MPDZ: variants seen among roughly 807,000 people sequenced by gnomAD.
MPDZ encodes multiple PDZ domain protein.
In MPDZ, 234 loss-of-function variants were observed where a neutral mutation model predicts 239.1. The ratio of observed to expected loss-of-function variants is 0.98; its 90% CI spans 0.88 to 1.09. The LOEUF (loss-of-function observed/expected upper bound fraction) is 1.09. MPDZ is among the 50% of genes least tolerant of loss of function. MPDZ has a pLI of 0.00. For missense variants in MPDZ, 3,175 were observed against 2,510.0 expected (o/e 1.26, Z -5.66); for synonymous variants, 1,048 against 881.3 (o/e 1.19, Z -3.35).
At chr9:13,125,107 A>T (rs533323073) in intron 35 of MPDZ, 109 bp downstream of exon 35, 2 of 1,051,330 alleles carry the variant, frequency 1.9e-6, no homozygotes, top group East Asian at 4.9e-5. Context: ...CCTGACTACA[A>T]CCTTCCAAAC....
chr9:13,121,565 T>C (rs967777091), intron 38 of MPDZ, among the ~76,000 whole-genome samples, 174 bp downstream of exon 38: 1 of 152,200 alleles, frequency 6.6e-6, no homozygotes, highest in Admixed American at 6.5e-5. Flanking sequence ...AATATTCTGA[T>C]TTTAAAAGTC....
chr9:13,127,992 CTGAT>C (rs1413117811), intron 32 of MPDZ, among the ~76,000 whole-genome samples: 2 of 152,076 alleles, frequency 1.3e-5, no homozygotes, highest in African/African-American at 4.8e-5. Flanking sequence ...TGGGTATTTG[CTGAT>C]TGTTTACCTA....
At chr9:13,223,804 G>A in intron 4 of MPDZ, 94 bp from the exon 5 acceptor site, 1 of 1,347,576 alleles carries the variant, frequency 7.4e-7, no homozygotes, top group African/African-American at 1.5e-5. Context: ...GGCCAAGGTG[G>A]GAGGATCACT....
intron 1 of MPDZ, among the ~76,000 whole-genome samples, chr9:13,261,959 T>A (rs568887573): frequency 6.6e-6 from 1 of 151,584 alleles, no homozygotes; most frequent in Non-Finnish European, 1.5e-5. Flanking sequence ...GTGAGAAGAT[T>A]ATCTGAGCCC....
intron 3 of MPDZ, among the ~76,000 whole-genome samples, chr9:13,247,199 G>T (rs141238834): frequency 6.6e-6 from 1 of 152,134 alleles, no homozygotes; most frequent in East Asian, 1.9e-4. Context: ...CAAAATAGAG[G>T]TGATTTCCCT....
At chr9:13,159,858 G>A (rs1247742363) in intron 23 of MPDZ, among the ~76,000 whole-genome samples, 1 of 152,106 alleles carries the variant, frequency 6.6e-6, no homozygotes, top group Admixed American at 6.6e-5. Context: ...ATCTTAGTGT[G>A]TGGTTTCAGG....
At chr9:13,264,602 T>C (rs1160213214) in intron 1 of MPDZ, among the ~76,000 whole-genome samples, 1 of 151,730 alleles carries the variant, frequency 6.6e-6, no homozygotes, top group Non-Finnish European at 1.5e-5. Context: ...ACCAATCGTT[T>C]ATAGCCCATT....
intron 1 of MPDZ, among the ~76,000 whole-genome samples, chr9:13,273,353 G>T (rs557506123): frequency 2.0e-5 from 3 of 152,204 alleles, no homozygotes; most frequent in African/African-American, 7.2e-5. Flanking sequence ...TCATGGTTTT[G>T]TTACGTTAGT....
intron 15 of MPDZ, among the ~76,000 whole-genome samples, chr9:13,190,557 T>G (rs751215308): frequency 3.3e-5 from 5 of 152,154 alleles, no homozygotes; most frequent in Admixed American, 6.6e-5. Flanking sequence ...AATGGTTATA[T>G]CTCGACAGCA....
chr9:13,263,133 T>C (rs866945774), intron 1 of MPDZ, among the ~76,000 whole-genome samples: 1 of 152,066 alleles, frequency 6.6e-6, no homozygotes, highest in African/African-American at 2.4e-5. Context: ...CACAATTTGC[T>C]TCAAAAACTT....
chr9:13,181,015 C>G (rs1214410515), intron 19 of MPDZ, among the ~76,000 whole-genome samples: 1 of 152,134 alleles, frequency 6.6e-6, no homozygotes, highest in Non-Finnish European at 1.5e-5. Context: ...GTGATTAGCA[C>G]TGATCACTTC....
intron 22 of MPDZ, among the ~76,000 whole-genome samples, chr9:13,164,916 C>T (rs906737873): frequency 2.6e-5 from 4 of 151,984 alleles, no homozygotes; most frequent in Admixed American, 2.0e-4. Context: ...TTATGAGCTG[C>T]GAGAACACAC....
Position 13,115,278 on chromosome 9 carries a change from A to C in MPDZ, c.5436T>G (p.His1812Gln). The C allele has an allele frequency of 6.2e-7, 1 of 1,612,688 alleles. No individual in the cohort carries two copies. The highest frequency in any genetic ancestry group is 1.1e-5 in the South Asian group (1 of 91,050). Residue 1812 changes from histidine to glutamine, a missense_variant, in exon 40 of 47, where the codon CAT (histidine) becomes CAG (glutamine). His to Gln is a conservative substitution (Grantham distance 24, BLOSUM62 0). Transcript: ENST00000319217. Reference sequence around the variant, plus strand: ...TGCTTTGAGATGGCCTCCTCTCTGAATGGAATGGACCAGCTTTGATTCTTC... The same window carrying C: ...TGCTTTGAGATGGCCTCCTCTCTGACTGGAATGGACCAGCTTTGATTCTTC... ...EVGRIKAGPF[H>Q]SERRPSQSSQ...
At chr9:13,172,238 A>G (rs748250890) in intron 21 of MPDZ, among the ~76,000 whole-genome samples, 4 of 152,170 alleles carry the variant, frequency 2.6e-5, no homozygotes, top group Non-Finnish European at 5.9e-5. Flanking sequence ...CCAGGGAGAA[A>G]GCCCTATAAA....
intron 1 of MPDZ, among the ~76,000 whole-genome samples, chr9:13,261,217 A>G (rs1280196665): frequency 6.6e-6 from 1 of 152,224 alleles, no homozygotes; most frequent in Admixed American, 6.5e-5. Flanking sequence ...AAGTCAGTTG[A>G]TAGAGACAGA....
intron 8 of MPDZ, among the ~76,000 whole-genome samples, chr9:13,217,982 AAT>A (rs1398530201): frequency 6.6e-6 from 1 of 151,824 alleles, no homozygotes; most frequent in Non-Finnish European, 1.5e-5. Flanking sequence ...TGATTGGTAC[AAT>A]ATATCATCAA....
intron 19 of MPDZ, among the ~76,000 whole-genome samples, chr9:13,182,023 G>A (rs550888220): frequency 1.3e-5 from 2 of 152,152 alleles, no homozygotes; most frequent in East Asian, 3.9e-4. Context: ...AGACTGCCCA[G>A]CATCATTTGC....
At chr9:13,169,870 T>C (rs973622857) in intron 21 of MPDZ, among the ~76,000 whole-genome samples, 5 of 152,158 alleles carry the variant, frequency 3.3e-5, no homozygotes, top group Non-Finnish European at 7.4e-5. Flanking sequence ...TTGAAGTCTT[T>C]GCCTGACACC....
At chr9:13,144,756 G>T (rs1290272580) in intron 26 of MPDZ, among the ~76,000 whole-genome samples, 1 of 151,978 alleles carries the variant, frequency 6.6e-6, no homozygotes, top group African/African-American at 2.4e-5. Flanking sequence ...AAAAGAAATG[G>T]GCACAATGAC....
Sources: gnomAD v4.1 joint callset for allele counts (sites outside exome capture counted in the v4.1 genomes callset) on GRCh38, gnomAD v4.1.1 for gene constraint, MANE v1.5 for transcripts, NCBI Gene and HGNC (gene_info 2026-07-23, HGNC 2026-07-21) for gene names.